Variants in CELF2 observed in about 807,000 individuals in gnomAD.
CELF2 encodes the protein CUG triplet repeat RNA-binding protein 2.
CELF2 carries 8 observed loss-of-function variants against 62.6 expected under a neutral mutation model. The ratio of observed to expected loss-of-function variants is 0.13; its 90% CI spans 0.07 to 0.23. The LOEUF is 0.23. Ranked by LOEUF, CELF2 falls within the 10% of genes least tolerant of loss-of-function variation. CELF2 has a pLI of 1.00. For missense variants in CELF2, 333 were observed against 671.0 expected (o/e 0.50, Z 5.56); for synonymous variants, 258 against 250.0 (o/e 1.03, Z -0.30).
intron 2 of CELF2, among the ~76,000 whole-genome samples, chr10:11,199,518 A>G (rs2058739061): frequency 6.6e-6 from 1 of 152,106 alleles, no homozygotes; most frequent in Non-Finnish European, 1.5e-5. Context: ...TCTGGGCTGG[A>G]AAGGAAGATG....
At chr10:10,666,645 G>T in the CELF2 span, among the ~76,000 whole-genome samples, 227 of 76,362 alleles carry the variant, frequency 3.0e-3, 37 homozygotes, top group Non-Finnish European at 4.6e-3. Context: ...GGCGGATCAC[G>T]AGGTCAGGAG....
chr10:10,978,453 T>C (rs990512296), intron 2 of CELF2, among the ~76,000 whole-genome samples: 1 of 152,200 alleles, frequency 6.6e-6, no homozygotes, highest in African/African-American at 2.4e-5. Flanking sequence ...TGGTAGCCAA[T>C]TAAGATGGCA....
In CELF2 at chr10:10,932,694, G is replaced by GTGTGTGTA. The variant is rs1406935763; in HGVS notation, c.89+12696_89+12697insGTGTGTAT. Among the ~76,000 whole-genome samples the GTGTGTGTA allele has an allele frequency of 2.2e-3, 328 of 149,828 alleles. 2 individuals are homozygous for GTGTGTGTA. Among genetic ancestry groups the GTGTGTGTA allele is most frequent in the Admixed American group, 0.011 (166 of 14,780 alleles). On this transcript the variant is annotated intron_variant, in intron 2 of 13. Transcript: ENST00000636488. ...TATGTGTATGTGTGTGTGTGTGTGT[G>GTGTGTGTA]TATATATATATGTATGTATAATACA...
chr10:10,685,742 C>T, the CELF2 span, among the ~76,000 whole-genome samples: 1 of 152,138 alleles, frequency 6.6e-6, no homozygotes, highest in East Asian at 1.9e-4. Flanking sequence ...TGGGTTGAGA[C>T]AAGTGTGAAA....
intron 1 of CELF2, among the ~76,000 whole-genome samples, chr10:11,114,824 T>C (rs1048857243): frequency 2.0e-5 from 3 of 152,246 alleles, no homozygotes; most frequent in Non-Finnish European, 4.4e-5. Context: ...TCATTTATTA[T>C]ACGATTTTGA....
At chr10:10,693,896 C>T in the CELF2 span, among the ~76,000 whole-genome samples, 8 of 151,898 alleles carry the variant, frequency 5.3e-5, no homozygotes, top group Non-Finnish European at 1.0e-4. Flanking sequence ...TTTCATTCTT[C>T]TCTCTTTTTT....
At chr10:10,700,720 T>G in the CELF2 span, among the ~76,000 whole-genome samples, 1 of 152,388 alleles carries the variant, frequency 6.6e-6, no homozygotes, top group Middle Eastern at 3.4e-3. Context: ...TTGTAATTTC[T>G]TCTCAAATTG....
the CELF2 span, among the ~76,000 whole-genome samples, chr10:10,601,021 A>G: frequency 6.6e-6 from 1 of 152,212 alleles, no homozygotes; most frequent in Admixed American, 6.5e-5. Context: ...ATCGTACAGC[A>G]GGAAGAACAG....
At chr10:10,466,055 TG>T in the CELF2 span, among the ~76,000 whole-genome samples, 1 of 152,158 alleles carries the variant, frequency 6.6e-6, no homozygotes, top group African/African-American at 2.4e-5. Flanking sequence ...GTCTTTCTCC[TG>T]AAACAACGTT....
the CELF2 span, among the ~76,000 whole-genome samples, chr10:10,627,149 A>G: frequency 2.0e-5 from 3 of 152,172 alleles, no homozygotes; most frequent in African/African-American, 7.2e-5. Flanking sequence ...CCCTCATTGT[A>G]TTTATTCCTA....
chr10:10,559,824 A>G, the CELF2 span, among the ~76,000 whole-genome samples: 2 of 152,156 alleles, frequency 1.3e-5, no homozygotes, highest in Admixed American at 1.3e-4. Flanking sequence ...CATTCTCCCC[A>G]TGTGACTATG....
At position 11,191,719 on chromosome 10, in the gene CELF2, A is replaced by G. The variant is rs533275577; in HGVS notation, c.272-25706A>G. Among the ~76,000 whole-genome samples the G allele has an allele frequency of 1.3e-5, 2 of 152,308 alleles. No homozygotes were observed. Among genetic ancestry groups the G allele is most frequent in the Admixed American group, 6.5e-5 (1 of 15,310 alleles). On this transcript the variant is annotated intron_variant, in intron 2 of 12. Coordinates refer to ENST00000633077, the MANE Select transcript of CELF2 (RefSeq NM_001326342.2). The surrounding 1 kb of genome is among the most constrained non-coding windows in gnomAD (Gnocchi z 4.1). ...CCCAGTCGGCAGACTGGACTTCTTC[A>G]TAAGTGAAAAATAGTTACATAATGG...
chr10:10,557,708 C>G, the CELF2 span, among the ~76,000 whole-genome samples: 1 of 148,690 alleles, frequency 6.7e-6, no homozygotes, highest in Non-Finnish European at 1.5e-5. Flanking sequence ...CTTTTATTTC[C>G]TTGAGCAGTG....
the CELF2 span, among the ~76,000 whole-genome samples, chr10:10,619,059 A>C: frequency 6.6e-6 from 1 of 152,222 alleles, no homozygotes; most frequent in South Asian, 2.1e-4. Flanking sequence ...CGTGGCAACA[A>C]AGAAGGAGGA....
the CELF2 span, among the ~76,000 whole-genome samples, chr10:10,658,523 T>G: frequency 2.6e-5 from 4 of 152,194 alleles, no homozygotes; most frequent in Admixed American, 6.5e-5. Flanking sequence ...GCAGAATTTA[T>G]AAACAACCTC....
At chr10:10,956,285 C>T (rs933909600) in intron 2 of CELF2, among the ~76,000 whole-genome samples, 1 of 152,210 alleles carries the variant, frequency 6.6e-6, no homozygotes, top group Non-Finnish European at 1.5e-5. Flanking sequence ...TCTATTTCTT[C>T]AAGAGAGTGC....
intron 1 of CELF2, among the ~76,000 whole-genome samples, chr10:10,918,174 A>G (rs1460328316): frequency 6.6e-6 from 1 of 152,222 alleles, no homozygotes; most frequent in Non-Finnish European, 1.5e-5. Flanking sequence ...GATAAAACAG[A>G]CACTTAAAAG....
chr10:10,973,520 C>T (rs755159178), intron 2 of CELF2, among the ~76,000 whole-genome samples: 4 of 152,054 alleles, frequency 2.6e-5, no homozygotes, highest in Non-Finnish European at 2.9e-5. Flanking sequence ...AGAGGCAGGG[C>T]GTGAGTGGGA....
chr10:10,933,331 C>T (rs2066286076), intron 2 of CELF2, among the ~76,000 whole-genome samples: 1 of 152,044 alleles, frequency 6.6e-6, no homozygotes, highest in African/African-American at 2.4e-5. Flanking sequence ...AATAGTTATA[C>T]ATATTTATGT....
Sources: allele counts gnomAD v4.1 joint callset (sites outside exome capture counted in the v4.1 genomes callset), GRCh38; gene constraint gnomAD v4.1.1; non-coding constraint Gnocchi (gnomAD v3.1); transcripts MANE v1.5; gene names NCBI Gene and HGNC (gene_info 2026-07-23, HGNC 2026-07-21).